Variants in BCLAF3 observed in about 807,000 individuals in gnomAD.
BCLAF3 encodes transient octamer binding factor 1.
Under a neutral mutation model 51.2 loss-of-function variants are expected in BCLAF3, and 24 were observed. That is an observed-to-expected ratio of 0.47 (90% CI 0.34 to 0.66). The LOEUF (loss-of-function observed/expected upper bound fraction) is 0.66, where lower values mean the gene tolerates loss of function less well. Among genes scored for constraint, BCLAF3 ranks in the 30% least tolerant of loss-of-function variants. The pLI, the probability that BCLAF3 is intolerant of heterozygous loss-of-function variation, is 0.01. For missense variants in BCLAF3, 465 were observed against 525.1 expected (o/e 0.89, Z 1.12); for synonymous variants, 152 against 176.6 (o/e 0.86, Z 1.10).
chrX:19,933,155 C>G (rs1022211280), intron 10 of BCLAF3, among the ~76,000 whole-genome samples: 1 of 111,887 alleles, frequency 8.9e-6, no homozygotes, highest in Non-Finnish European at 1.9e-5. Context: ...CTGGCTGTAG[C>G]AAGACCCATA....
chrX:19,977,220 T>C (rs2072454942), intron 1 of BCLAF3, among the ~76,000 whole-genome samples: 1 of 111,087 alleles, frequency 9.0e-6, no homozygotes. Flanking sequence ...AAAGGAAGAG[T>C]CACACATCTC....
At chrX:19,931,568 TG>T (rs1419962515) in intron 10 of BCLAF3, among the ~76,000 whole-genome samples, 3 of 112,083 alleles carry the variant, frequency 2.7e-5, no homozygotes. Context: ...AGAAAAACCC[TG>T]GGCTGAACGA....
At chrX:19,951,738 G>C (rs887692104) in intron 7 of BCLAF3, among the ~76,000 whole-genome samples, 7 of 110,281 alleles carry the variant, frequency 6.3e-5, no homozygotes, top group African/African-American at 2.0e-4. Flanking sequence ...GACCAGCCTG[G>C]GCAACATGGA....
intron 10 of BCLAF3, among the ~76,000 whole-genome samples, chrX:19,931,649 T>TA (rs1230919072): frequency 2.7e-5 from 3 of 112,072 alleles, no homozygotes; most frequent in African/African-American, 9.7e-5. Flanking sequence ...TAGAGAGAGA[T>TA]ATGGTAGAGA....
intron 10 of BCLAF3, 110 bp downstream of exon 10, chrX:19,935,699 T>C: frequency 3.4e-6 from 2 of 593,912 alleles, no homozygotes; most frequent in Non-Finnish European, 5.5e-6. Context: ...AGTTTATAGC[T>C]ACCATTTGAA....
intron 5 of BCLAF3, 41 bp downstream of exon 5, chrX:19,955,350 A>G (rs1408548538): frequency 1.9e-6 from 2 of 1,038,608 alleles, no homozygotes; most frequent in Non-Finnish European, 2.6e-6. Flanking sequence ...ATAGTATATT[A>G]CTTTTGTGTT....
chrX:19,924,051 C>T (rs772901603), intron 11 of BCLAF3, among the ~76,000 whole-genome samples: 6 of 110,373 alleles, frequency 5.4e-5, no homozygotes, highest in Non-Finnish European at 9.5e-5. Flanking sequence ...CCGCCTGCCT[C>T]GGCCTCCCAA....
chrX:19,953,994 C>G (rs112189890), intron 5 of BCLAF3, 102 bp from the exon 6 acceptor site: 223 of 1,057,358 alleles, frequency 2.1e-4, no homozygotes, highest in Non-Finnish European at 2.6e-4. Flanking sequence ...AAAATTCAAC[C>G]TGTTTTCTCT....
In BCLAF3 at chrX:19,937,518, G is replaced by C; in HGVS notation, c.1760C>G (p.Ser587Cys). The part of the protein sequence containing the change: ...ASAAERDDQN[S>C]SFSKVKNVHT... ...AACATTCTTTACCTTTGAAAAACTG[G>C]AATTCTGATCATCCCTAATAAGGAA... Residue 587 changes from serine (S) to cysteine (C), a missense_variant, in exon 9 of 12, where the codon TCC becomes TGC. Ser to Cys is a moderately radical substitution (Grantham distance 112). Coordinates refer to ENST00000379682, the MANE Select transcript of BCLAF3 (RefSeq NM_001367774.2). 3 of 1,087,967 alleles carry C rather than the reference G, an allele frequency of 2.8e-6. No individual in the cohort carries two copies. The highest frequency in any genetic ancestry group is 3.8e-6 in the Non-Finnish European group (3 of 797,583). 89.7% of individuals were successfully genotyped at this position (1,087,967 alleles called of 1,213,427 possible).
intron 8 of BCLAF3, among the ~76,000 whole-genome samples, chrX:19,945,972 C>T (rs753804775): frequency 9.1e-6 from 1 of 109,402 alleles, no homozygotes; most frequent in African/African-American, 3.4e-5. Context: ...GATATAGTCT[C>T]GTGATGCGCC....
At chrX:19,934,722 C>G (rs2070693754) in intron 10 of BCLAF3, among the ~76,000 whole-genome samples, 1 of 112,124 alleles carries the variant, frequency 8.9e-6, no homozygotes, top group Admixed American at 9.5e-5. Flanking sequence ...GAGCTAACTA[C>G]TCTAACAAGC....
chrX:19,953,620 T>TC (rs2071566323), intron 6 of BCLAF3, among the ~76,000 whole-genome samples, 158 bp downstream of exon 6: 1 of 112,188 alleles, frequency 8.9e-6, no homozygotes, highest in Non-Finnish European at 1.9e-5. Context: ...AGTGGCCAGA[T>TC]AATGCTTGGA....
intron 1 of BCLAF3, among the ~76,000 whole-genome samples, chrX:19,970,995 C>T (rs1324249425): frequency 8.9e-6 from 1 of 112,632 alleles, no homozygotes; most frequent in African/African-American, 3.2e-5. Flanking sequence ...TGTACAGAAA[C>T]ACTTCATATA....
At chrX:19,944,709 T>G (rs1422881251) in intron 8 of BCLAF3, among the ~76,000 whole-genome samples, 2 of 83,614 alleles carry the variant, frequency 2.4e-5, no homozygotes, top group Admixed American at 2.4e-4. Flanking sequence ...CCCTTAACAT[T>G]TTTTCCTTCA....
At chrX:19,940,115 T>C (rs929912662) in intron 8 of BCLAF3, among the ~76,000 whole-genome samples, 14 of 111,934 alleles carry the variant, frequency 1.3e-4, no homozygotes, top group African/African-American at 4.5e-4. Context: ...AATACAAAAA[T>C]TAAATCCTTT....
In BCLAF3 at chrX:19,955,522, A is replaced by AAATC; in HGVS notation, c.1315_1318dup (p.Leu440Ter). 1.7e-6 allele frequency: 2 copies of AAATC among 1,203,849 alleles called. No homozygotes were observed. The highest frequency in any genetic ancestry group is 2.2e-6 in the Non-Finnish European group (2 of 892,523). ...CTCACTTTTCCTGCCAACAGCAACC[A>AAATC]AATCATGTGACATCTGTCTCTCTGT... On this transcript the variant is annotated stop_gained and frameshift_variant, in exon 5 of 12. Coordinates refer to ENST00000379682, the MANE Select transcript of BCLAF3 (RefSeq NM_001367774.2). LOFTEE classifies it high-confidence loss of function.
intron 8 of BCLAF3, among the ~76,000 whole-genome samples, chrX:19,946,444 G>A (rs1346532489): frequency 1.8e-5 from 2 of 111,619 alleles, no homozygotes; most frequent in African/African-American, 3.3e-5. Flanking sequence ...CCACTCTACC[G>A]TGTTGACCCT....
Position 19,916,558 on chromosome X carries a change from T to TA in BCLAF3, c.*746_*747insT, listed in dbSNP as rs2069942206. On this transcript the variant is annotated 3_prime_UTR_variant, in exon 12 of 12. Transcript: ENST00000379682. ...TTGTTTGTCAGATTTTTAAAAAGCC[T>TA]TTAAAAATATGATATGCACAAGCTT... 1 of 112,635 alleles carries TA rather than the reference T, an allele frequency of 8.9e-6. No homozygotes were observed. Among genetic ancestry groups the TA allele is most frequent in the African/African-American group, 3.2e-5 (1 of 30,972 alleles). 9.3% of individuals were successfully genotyped at this position (112,635 alleles called of 1,213,427 possible).
At position 19,950,733 on chromosome X, in the gene BCLAF3, G is replaced by A; in HGVS notation, c.1745+20C>T. On this transcript the variant is annotated intron_variant, in intron 8 of 11. Transcript: ENST00000379682. ...ACCCAAAGCTCCCTGATAACAGGAT[G>A]TTTGTCATCTACTGATTACCTCTCT... 1 of 1,090,408 alleles carries A rather than the reference G, an allele frequency of 9.2e-7. No homozygotes were observed. Among genetic ancestry groups the A allele is most frequent in the Non-Finnish European group, 1.3e-6 (1 of 793,396 alleles). The allele number at this position is 1,090,408 out of a possible 1,213,427, so 89.9% of individuals were successfully genotyped here.
Sources: gnomAD v4.1 joint callset for allele counts (sites outside exome capture counted in the v4.1 genomes callset) on GRCh38, gnomAD v4.1.1 for gene constraint, MANE v1.5 for transcripts, NCBI Gene and HGNC (gene_info 2026-07-23, HGNC 2026-07-21) for gene names.